Variants in ARHGEF18 observed in about 807,000 individuals in gnomAD.
ARHGEF18 encodes Rho/Rac guanine nucleotide exchange factor 18, also known as rho guanine nucleotide exchange factor 18.
In ARHGEF18, 93 loss-of-function variants were observed where a neutral mutation model predicts 155.7. The ratio of observed to expected loss-of-function variants is 0.60; its 90% CI spans 0.50 to 0.71. The LOEUF is 0.71. Ranked by LOEUF, ARHGEF18 falls within the 30% of genes least tolerant of loss-of-function variation. ARHGEF18 has a pLI of 0.00. For missense variants in ARHGEF18, 1,593 were observed against 1,816.1 expected (o/e 0.88, Z 2.23); for synonymous variants, 742 against 753.1 (o/e 0.99, Z 0.24).
intron 10 of ARHGEF18, among the ~76,000 whole-genome samples, chr19:7,422,104 C>A (rs978232990): frequency 6.6e-6 from 1 of 152,132 alleles, no homozygotes; most frequent in East Asian, 1.9e-4. Flanking sequence ...CTCAGGCTGC[C>A]AAACTGGTTC....
intron 23 of ARHGEF18, 84 bp downstream of exon 23, chr19:7,464,774 G>A (rs1976514430): frequency 1.3e-6 from 2 of 1,551,254 alleles, no homozygotes; most frequent in Non-Finnish European, 1.8e-6. Flanking sequence ...GGGTTGTCCA[G>A]TTTTAGTCTT....
intron 14 of ARHGEF18, among the ~76,000 whole-genome samples, chr19:7,445,236 A>G (rs1363242165): frequency 1.3e-5 from 2 of 152,246 alleles, no homozygotes; most frequent in East Asian, 3.9e-4. Context: ...GCTTGAGTCC[A>G]GGAGTTCCAG....
intron 10 of ARHGEF18, among the ~76,000 whole-genome samples, chr19:7,411,862 A>G (rs1972706258): frequency 2.0e-5 from 3 of 152,230 alleles, no homozygotes; most frequent in Admixed American, 1.3e-4. Flanking sequence ...CATACGATGT[A>G]TTCTTTTGTG....
intron 10 of ARHGEF18, among the ~76,000 whole-genome samples, chr19:7,388,020 C>T (rs1173618278): frequency 6.6e-6 from 1 of 151,948 alleles, no homozygotes; most frequent in Non-Finnish European, 1.5e-5. Flanking sequence ...AGCAAGTTTG[C>T]CAACCCCTGA....
At chr19:7,415,149 C>T (rs1367145939) in intron 10 of ARHGEF18, among the ~76,000 whole-genome samples, 2 of 152,180 alleles carry the variant, frequency 1.3e-5, no homozygotes, top group East Asian at 3.8e-4. Flanking sequence ...ACCCAAGGAC[C>T]TTAGTTCCAT....
At chr19:7,473,667 G>T (rs898989207), downstream of ARHGEF18, among the ~76,000 whole-genome samples, 1 of 152,034 alleles carries the variant, frequency 6.6e-6, no homozygotes, top group African/African-American at 2.4e-5. Context: ...GAAATTAGCC[G>T]GGCGTGGTGG....
chr19:7,381,820 T>TCCC (rs1970759624), intron 8 of ARHGEF18, among the ~76,000 whole-genome samples: 1 of 152,124 alleles, frequency 6.6e-6, no homozygotes. Context: ...GGTCCCTGAA[T>TCCC]CCCTCTCTCT....
rs78409314 is a variant in ARHGEF18, at chr19:7,370,875, G to A, written c.16-1937G>A. Reference sequence around the variant, plus strand: ...CTCGTAGGAGGTCTCTGGACTCGTCGGGTTCATAGATTTACCACACCCCGC... The same window carrying A: ...CTCGTAGGAGGTCTCTGGACTCGTCAGGTTCATAGATTTACCACACCCCGC... On this transcript the variant is annotated intron_variant, in intron 2 of 28. Transcript: ENST00000668164. Among the ~76,000 whole-genome samples the A allele has an allele frequency of 4.0e-3, 613 of 151,868 alleles. 9 individuals carry two copies. Among genetic ancestry groups the A allele is most frequent in the East Asian group, 0.02 (102 of 5,176 alleles).
chr19:7,458,733 C>A (rs181573505), intron 19 of ARHGEF18, 43 bp downstream of exon 19: 6 of 1,570,130 alleles, frequency 3.8e-6, no homozygotes, highest in Non-Finnish European at 5.2e-6. Context: ...GTGTTCCTTC[C>A]GCTGATTGGT....
In ARHGEF18 at chr19:7,422,366, C is replaced by T. The variant is rs553395083; in HGVS notation, c.968-17978C>T. ...AGCTCCCGCCCATGCCCCCCCGCCC[C>T]GCGCAGCCTTCTGTCCTGTAACCAC... On this transcript the variant is annotated intron_variant, in intron 10 of 28. Transcript: ENST00000668164. Among the ~76,000 whole-genome samples, 40 of 151,990 alleles carry T rather than the reference C, an allele frequency of 2.6e-4. 1 individual carries two copies. In the South Asian group the frequency reaches 7.9e-3, roughly 30 times the overall value.
intron 1 of ARHGEF18, among the ~76,000 whole-genome samples, chr19:7,351,056 G>A (rs750778103): frequency 4.6e-5 from 7 of 152,064 alleles, no homozygotes; most frequent in Non-Finnish European, 8.8e-5. Flanking sequence ...TGCCTGCCTT[G>A]GCCTCCCAAA....
intron 10 of ARHGEF18, among the ~76,000 whole-genome samples, chr19:7,417,077 T>C (rs1428202820): frequency 6.6e-6 from 1 of 152,070 alleles, no homozygotes; most frequent in Non-Finnish European, 1.5e-5. Flanking sequence ...ACCTGCGTAA[T>C]TTTTGTATTT....
chr19:7,415,181 A>C (rs1419496428), intron 10 of ARHGEF18, among the ~76,000 whole-genome samples: 1 of 152,084 alleles, frequency 6.6e-6, no homozygotes, highest in African/African-American at 2.4e-5. Flanking sequence ...TTGAATCTCC[A>C]GGCAGCTCCA....
intron 20 of ARHGEF18, among the ~76,000 whole-genome samples, chr19:7,461,076 C>A (rs1411356032): frequency 6.6e-6 from 1 of 151,550 alleles, no homozygotes; most frequent in Non-Finnish European, 1.5e-5. Context: ...CGTGAGCCAC[C>A]GCTCCCGGCC....
At chr19:7,403,247 C>G (rs1972110984) in intron 10 of ARHGEF18, among the ~76,000 whole-genome samples, 1 of 152,136 alleles carries the variant, frequency 6.6e-6, no homozygotes. Flanking sequence ...CCGGCCAAAT[C>G]AGTGATTTTT....
At chr19:7,458,073 G>A (rs1375026961) in intron 18 of ARHGEF18, among the ~76,000 whole-genome samples, 3 of 152,012 alleles carry the variant, frequency 2.0e-5, no homozygotes, top group African/African-American at 7.2e-5. Flanking sequence ...GATCACTTGA[G>A]CCTAGGACTT....
At chr19:7,403,282 T>G (rs541232601) in intron 10 of ARHGEF18, among the ~76,000 whole-genome samples, 1 of 152,274 alleles carries the variant, frequency 6.6e-6, no homozygotes, top group Admixed American at 6.5e-5. Context: ...GTGGTGCAGC[T>G]GTCACTACTA....
At chr19:7,386,335 G>C (rs1971073544) in intron 10 of ARHGEF18, among the ~76,000 whole-genome samples, 1 of 151,848 alleles carries the variant, frequency 6.6e-6, no homozygotes, top group South Asian at 2.1e-4. Context: ...ATTTGGGGCT[G>C]TGGTGTGGGG....
chr19:7,475,678 G>A (rs954195745), downstream of ARHGEF18, among the ~76,000 whole-genome samples: 3 of 152,186 alleles, frequency 2.0e-5, no homozygotes, highest in Admixed American at 6.5e-5. Context: ...AGCCCAGGCT[G>A]TATCCCTGAA....
Sources: gnomAD v4.1 joint callset for allele counts (sites outside exome capture counted in the v4.1 genomes callset) on GRCh38, gnomAD v4.1.1 for gene constraint, MANE v1.5 for transcripts, NCBI Gene and HGNC (gene_info 2026-07-23, HGNC 2026-07-21) for gene names.